Variants in REPS2 observed in about 807,000 individuals in gnomAD.
REPS2 encodes RALBP1 associated Eps domain containing 2.
REPS2 carries 23 observed loss-of-function variants against 53.6 expected under a neutral mutation model. That is an observed-to-expected ratio of 0.43 (90% CI 0.31 to 0.61). The LOEUF is 0.61. Among genes scored for constraint, REPS2 ranks in the 20% least tolerant of loss-of-function variants. REPS2 has a pLI of 0.11. For synonymous variants in REPS2, 238 were observed against 218.6 expected (o/e 1.09, Z -0.78); for missense variants, 446 against 534.9 (o/e 0.83, Z 1.64).
intron 13 of REPS2, among the ~76,000 whole-genome samples, chrX:17,091,308 G>A (rs1050164185): frequency 8.9e-6 from 1 of 111,859 alleles, no homozygotes; most frequent in African/African-American, 3.2e-5. Flanking sequence ...TTGCTTTGAA[G>A]CCTTCTGTCA....
At chrX:17,011,760 G>A (rs1311114986) in intron 2 of REPS2, among the ~76,000 whole-genome samples, 2 of 110,536 alleles carry the variant, frequency 1.8e-5, no homozygotes, top group East Asian at 2.9e-4. Flanking sequence ...TACTAAGTTC[G>A]AGACCAGCCT....
chrX:17,174,098 T>G, the REPS2 span, among the ~76,000 whole-genome samples: 1 of 110,742 alleles, frequency 9.0e-6, no homozygotes, highest in Admixed American at 9.6e-5. Flanking sequence ...TAGGTACTAA[T>G]GCTTTTCCCA....
chrX:16,961,993 C>T (rs1305149334), intron 1 of REPS2, among the ~76,000 whole-genome samples: 2 of 111,276 alleles, frequency 1.8e-5, no homozygotes, highest in Admixed American at 9.6e-5. Context: ...AGATAACAAA[C>T]GTTAGGGTGT....
chrX:17,111,846 A>AT (rs1021778839), intron 14 of REPS2, among the ~76,000 whole-genome samples: 5 of 111,768 alleles, frequency 4.5e-5, no homozygotes, highest in Admixed American at 1.9e-4. Flanking sequence ...CTGTTCAAGA[A>AT]TTTTTTTTGT....
chrX:17,002,186 A>G (rs954223656), intron 1 of REPS2, among the ~76,000 whole-genome samples: 4 of 110,843 alleles, frequency 3.6e-5, no homozygotes, highest in African/African-American at 1.3e-4. Flanking sequence ...CCCACTTTTC[A>G]GATGGTTTGG....
rs142331835 is a variant in REPS2, at chrX:17,011,713, C to T, written c.397+5369C>T. On this transcript the variant is annotated intron_variant, in intron 2 of 17. Coordinates refer to ENST00000357277, the MANE Select transcript of REPS2 (RefSeq NM_004726.3). Reference sequence around the variant, plus strand: ...GGCGGATCACTTGAGGCCAGGAGTTCGGGACCAGCCCGGCAAATGTGGTGA... The same window carrying T: ...GGCGGATCACTTGAGGCCAGGAGTTTGGGACCAGCCCGGCAAATGTGGTGA... Among the ~76,000 whole-genome samples the T allele has an allele frequency of 9.0e-3, 991 of 109,728 alleles. 25 individuals are homozygous for T. Among genetic ancestry groups the T allele is most frequent in the Admixed American group, 0.066 (685 of 10,365 alleles).
chrX:17,034,969 C>T (rs1054064667), intron 5 of REPS2, among the ~76,000 whole-genome samples: 1 of 110,769 alleles, frequency 9.0e-6, no homozygotes, highest in Non-Finnish European at 1.9e-5. Context: ...TTAGTTATCT[C>T]CTTTCCTCCT....
chrX:17,038,923 G>A (rs766723252), intron 5 of REPS2, among the ~76,000 whole-genome samples: 1 of 112,185 alleles, frequency 8.9e-6, no homozygotes, highest in African/African-American at 3.2e-5. Flanking sequence ...TGCCAAATTG[G>A]AACCCAAGTC....
chrX:17,167,539 A>C, the REPS2 span, among the ~76,000 whole-genome samples: 1 of 108,563 alleles, frequency 9.2e-6, no homozygotes, highest in Non-Finnish European at 1.9e-5. Flanking sequence ...TGGGTGTTTT[A>C]GTCTTTATGG....
chrX:16,992,716 A>T (rs756876038), intron 1 of REPS2, among the ~76,000 whole-genome samples: 57 of 112,023 alleles, frequency 5.1e-4, no homozygotes, highest in Admixed American at 1.0e-3. Flanking sequence ...GGAAACATCT[A>T]GTTTCAATTA....
intron 1 of REPS2, among the ~76,000 whole-genome samples, chrX:16,985,335 C>CT (rs1318957805): frequency 1.8e-5 from 2 of 112,100 alleles, no homozygotes; most frequent in Non-Finnish European, 3.8e-5. Context: ...CAACCCATCA[C>CT]TTTTTAACCA....
intron 6 of REPS2, among the ~76,000 whole-genome samples, chrX:17,049,525 T>A (rs1361991218): frequency 8.9e-6 from 1 of 112,249 alleles, no homozygotes; most frequent in Non-Finnish European, 1.9e-5. Flanking sequence ...AATTAAAAAT[T>A]TTAAAAATAG....
intron 8 of REPS2, among the ~76,000 whole-genome samples, chrX:17,062,105 T>TAAC (rs2062165938): frequency 8.9e-6 from 1 of 112,427 alleles, no homozygotes; most frequent in Non-Finnish European, 1.9e-5. Flanking sequence ...TTGTGGAAAA[T>TAAC]TACTATGCTA....
intron 13 of REPS2, chrX:17,099,719 T>C: frequency 2.0e-6 from 1 of 494,277 alleles, no homozygotes. Flanking sequence ...GTAGAACTTC[T>C]TTCCTTCCCA....
intron 13 of REPS2, among the ~76,000 whole-genome samples, chrX:17,087,994 T>TACATA (rs2062564103): frequency 9.2e-6 from 1 of 108,665 alleles, no homozygotes; most frequent in Non-Finnish European, 1.9e-5. Context: ...ATACATAAGA[T>TACATA]AGATAGATAG....
chrX:17,193,945 G>C, the REPS2 span, among the ~76,000 whole-genome samples: 3 of 111,459 alleles, frequency 2.7e-5, no homozygotes, highest in African/African-American at 9.8e-5. Context: ...TCTGATTTAT[G>C]GTAGGAAAAT....
intron 5 of REPS2, among the ~76,000 whole-genome samples, chrX:17,040,257 C>G (rs2061814312): frequency 8.9e-6 from 1 of 112,532 alleles, no homozygotes; most frequent in South Asian, 3.6e-4. Flanking sequence ...TCTCTGACTT[C>G]AGAGGTAAGG....
At chrX:16,948,564 A>G (rs775571012) in intron 1 of REPS2, among the ~76,000 whole-genome samples, 1 of 112,528 alleles carries the variant, frequency 8.9e-6, no homozygotes, top group African/African-American at 3.2e-5. Context: ...GACTGAGGCT[A>G]TGCAGCAAGT....
intron 9 of REPS2, among the ~76,000 whole-genome samples, chrX:17,062,761 T>C (rs1308459619): frequency 8.9e-6 from 1 of 112,076 alleles, no homozygotes; most frequent in African/African-American, 3.2e-5. Context: ...AAACTGGATG[T>C]GGTAAAGTAA....
Sources: allele counts gnomAD v4.1 joint callset (sites outside exome capture counted in the v4.1 genomes callset), GRCh38; gene constraint gnomAD v4.1.1; transcripts MANE v1.5; gene names NCBI Gene and HGNC (gene_info 2026-07-23, HGNC 2026-07-21).